Variants in RELN observed in about 807,000 individuals in gnomAD.
RELN encodes reelin.
In RELN, 108 loss-of-function variants were observed where a neutral mutation model predicts 427.6. The ratio of observed to expected loss-of-function variants is 0.25; its 90% CI spans 0.22 to 0.30. The LOEUF (loss-of-function observed/expected upper bound fraction) is 0.30, where lower values mean the gene tolerates loss of function less well. Ranked by LOEUF, RELN falls within the 10% of genes least tolerant of loss-of-function variation. RELN has a pLI of 1.00. For synonymous variants in RELN, 1,524 were observed against 1,513.4 expected, an observed-to-expected ratio of 1.01 and a Z score of -0.16; for missense variants, 3,715 against 4,302.8, an observed-to-expected ratio of 0.86 and a Z score of 3.82.
intron 11 of RELN, among the ~76,000 whole-genome samples, chr7:103,664,213 A>C (rs934021666): frequency 1.3e-5 from 2 of 152,154 alleles, no homozygotes; most frequent in African/African-American, 4.8e-5. Flanking sequence ...ATGACCATAA[A>C]CTTTTGATAG....
At chr7:103,555,955 G>C (rs1830511780) in intron 38 of RELN, among the ~76,000 whole-genome samples, 1 of 152,184 alleles carries the variant, frequency 6.6e-6, no homozygotes, top group African/African-American at 2.4e-5. Flanking sequence ...AGAATCTGCT[G>C]CTTAATGTGG....
At chr7:103,800,181 G>A (rs909632804) in intron 3 of RELN, among the ~76,000 whole-genome samples, 4 of 152,126 alleles carry the variant, frequency 2.6e-5, no homozygotes, top group African/African-American at 9.7e-5. Flanking sequence ...CAGTTAGGAG[G>A]AGAGGAAGTC....
chr7:103,789,030 A>C (rs891583047), intron 3 of RELN, among the ~76,000 whole-genome samples: 3 of 152,160 alleles, frequency 2.0e-5, no homozygotes, highest in African/African-American at 7.2e-5. Context: ...CTCAGAAATA[A>C]CACCACACAA....
At position 103,518,350 on chromosome 7, in the gene RELN, A is replaced by G. The variant is rs4997123; in HGVS notation, c.7862+973T>C. On this transcript the variant is annotated intron_variant, in intron 49 of 64. Transcript: ENST00000428762. ...TCCTTTTTTTTTTTTTTTTTTTTTTAAAGATGCGGTCTTACTCTGTCACCC... is the reference window on the plus strand; with the variant it reads ...TCCTTTTTTTTTTTTTTTTTTTTTTGAAGATGCGGTCTTACTCTGTCACCC... Among the ~76,000 whole-genome samples, 3 of 35,804 alleles carry G rather than the reference A, an allele frequency of 8.4e-5. No homozygotes were observed. In the African/African-American group the frequency reaches 9.5e-4, roughly 11 times the overall value. 23.5% of individuals were successfully genotyped at this position (35,804 alleles called of 152,430 possible). A position where few individuals can be genotyped will look rare whatever the true frequency, so the allele number is the denominator to read the frequency against.
chr7:103,880,661 G>T (rs762335959), intron 2 of RELN, among the ~76,000 whole-genome samples: 38 of 152,078 alleles, frequency 2.5e-4, no homozygotes, highest in Admixed American at 7.9e-4. Context: ...CTCATCCAGA[G>T]GCCTAATAAG....
At chr7:103,557,193 T>C in intron 37 of RELN, 34 bp from the exon 38 acceptor site, 1 of 1,544,082 alleles carries the variant, frequency 6.5e-7, no homozygotes, top group Non-Finnish European at 9.0e-7. Flanking sequence ...TAAAACATAC[T>C]GTGATAAAAA....
At chr7:103,501,415 T>C (rs932459771) in intron 52 of RELN, among the ~76,000 whole-genome samples, 4 of 152,212 alleles carry the variant, frequency 2.6e-5, no homozygotes, top group Admixed American at 6.5e-5. Flanking sequence ...TCAGAGTAAC[T>C]ATGCTAATTA....
In RELN at chr7:103,809,472, A is replaced by T. The variant is rs1584258172; in HGVS notation, c.473+24065T>A. ...GAGCAGCCAGCCACCTCCAGGAGAG[A>T]TTTATTCAAGAGGTTTAGACTGATG... is the stretch of plus-strand genomic sequence containing the variant. On this transcript the variant is annotated intron_variant, in intron 3 of 64. Transcript: ENST00000428762. Among the ~76,000 whole-genome samples, 3 of 152,252 alleles carry T rather than the reference A, an allele frequency of 2.0e-5. No homozygotes were observed. In the South Asian group the frequency reaches 6.2e-4, roughly 32 times the overall value.
At chr7:103,499,442 A>C (rs3808040) in intron 53 of RELN, among the ~76,000 whole-genome samples, 7,189 of 152,270 alleles carry the variant, frequency 0.047, 234 homozygotes, top group East Asian at 0.17. Context: ...AGGTAGAGAC[A>C]CATTTCTTGT....
At chr7:103,723,250 A>C in intron 7 of RELN, 59 bp from the exon 8 acceptor site, 2 of 1,010,392 alleles carry the variant, frequency 2.0e-6, no homozygotes, top group Non-Finnish European at 1.6e-6. Context: ...GAGGAGAAAG[A>C]TGCTGGGAGG....
rs1465221182 is a variant in RELN at position 103,472,591 on chromosome 7, A to G, written c.*221T>C. ...GATATTACAACAGATCACAACTTTCACGGACACATCAACATGAAGACATTT... is the reference window on the plus strand; with the variant it reads ...GATATTACAACAGATCACAACTTTCGCGGACACATCAACATGAAGACATTT... On this transcript the variant is annotated 3_prime_UTR_variant, in exon 65 of 65. Transcript: ENST00000428762. The G allele has an allele frequency of 9.3e-6, 5 of 535,134 alleles. No homozygotes were observed. In the African/African-American group the frequency reaches 9.5e-5, roughly 10 times the overall value. The allele number at this position is 535,134 out of a possible 1,614,324, so 33.1% of individuals were successfully genotyped here.
intron 4 of RELN, among the ~76,000 whole-genome samples, chr7:103,755,164 T>C (rs1791102431): frequency 6.6e-6 from 1 of 152,018 alleles, no homozygotes; most frequent in Non-Finnish European, 1.5e-5. Context: ...TCTTAAGATA[T>C]TATGATAGTG....
chr7:103,671,961 C>T (rs539705437), intron 11 of RELN, among the ~76,000 whole-genome samples: 105 of 152,248 alleles, frequency 6.9e-4, no homozygotes, highest in African/African-American at 2.4e-3. Flanking sequence ...TGCAAGCTTA[C>T]ATAAAATCCC....
At chr7:103,693,604 A>G (rs1238415092) in intron 10 of RELN, among the ~76,000 whole-genome samples, 1 of 152,144 alleles carries the variant, frequency 6.6e-6, no homozygotes, top group Non-Finnish European at 1.5e-5. Flanking sequence ...AAGAAAGAAA[A>G]TTAGGCTGGA....
At chr7:103,687,504 A>G (rs1376425864) in intron 10 of RELN, among the ~76,000 whole-genome samples, 1 of 152,180 alleles carries the variant, frequency 6.6e-6, no homozygotes, top group African/African-American at 2.4e-5. Context: ...ACTGCAGGGA[A>G]CATGCCTAAA....
At chr7:103,693,748 G>C (rs1382441471) in intron 10 of RELN, among the ~76,000 whole-genome samples, 2 of 152,174 alleles carry the variant, frequency 1.3e-5, no homozygotes, top group African/African-American at 4.8e-5. Context: ...TGATGCTAGA[G>C]TTTTTGCCAG....
In RELN at chr7:103,591,747, G is replaced by C. The variant is rs971307490; in HGVS notation, c.3913-1919C>G. Among the ~76,000 whole-genome samples the C allele has an allele frequency of 3.9e-5, 6 of 152,262 alleles. No individual in the cohort carries two copies. In the East Asian group the frequency reaches 5.8e-4, roughly 15 times the overall value. ...TAACACAGACAAGTGGTTGGAACTT[G>C]AAGTTCTGTGACAAGTTCGTGCTTT... On this transcript the variant is annotated intron_variant, in intron 27 of 64. Coordinates refer to ENST00000428762, the MANE Select transcript of RELN (RefSeq NM_005045.4).
intron 51 of RELN, among the ~76,000 whole-genome samples, chr7:103,509,468 T>C (rs1829324744): frequency 6.6e-6 from 1 of 152,244 alleles, no homozygotes; most frequent in South Asian, 2.1e-4. Flanking sequence ...AAGCTGAATC[T>C]GGATCCCTTC....
intron 7 of RELN, among the ~76,000 whole-genome samples, chr7:103,724,710 G>T (rs1790161592): frequency 6.6e-6 from 1 of 151,812 alleles, no homozygotes; most frequent in Non-Finnish European, 1.5e-5. Context: ...TTTCACCAGG[G>T]AAGTTTAGGA....
Sources: gnomAD v4.1 joint callset for allele counts (sites outside exome capture counted in the v4.1 genomes callset) on GRCh38, gnomAD v4.1.1 for gene constraint, MANE v1.5 for transcripts, NCBI Gene and HGNC (gene_info 2026-07-23, HGNC 2026-07-21) for gene names.